The following ANO4 variants were observed in gnomAD, a reference collection of about 807,000 sequenced individuals.
ANO4 encodes anoctamin-4.
Under a neutral mutation model 141.9 loss-of-function variants are expected in ANO4, and 69 were observed. That is an observed-to-expected ratio of 0.49 (90% CI 0.40 to 0.59). The LOEUF is 0.59. Among genes scored for constraint, ANO4 ranks in the 20% least tolerant of loss-of-function variants. ANO4 has a pLI of 0.00. For missense variants in ANO4, 894 were observed against 1,162.2 expected (o/e 0.77, Z 3.36); for synonymous variants, 350 against 394.3 (o/e 0.89, Z 1.33).
At chr12:101,078,290 C>A (rs1259334101) in intron 14 of ANO4, among the ~76,000 whole-genome samples, 1 of 151,874 alleles carries the variant, frequency 6.6e-6, no homozygotes. Flanking sequence ...TCTGTTATAT[C>A]CTTATAGTCA....
At chr12:101,009,040 G>A (rs191765091) in intron 8 of ANO4, among the ~76,000 whole-genome samples, 27 of 152,012 alleles carry the variant, frequency 1.8e-4, no homozygotes, top group African/African-American at 5.3e-4. Flanking sequence ...TTATTTTTGC[G>A]ATCATGCATA....
intron 7 of ANO4, among the ~76,000 whole-genome samples, chr12:100,980,865 G>A (rs1237207656): frequency 6.6e-6 from 1 of 152,076 alleles, no homozygotes; most frequent in African/African-American, 2.4e-5. Context: ...CCAATAAAAA[G>A]GAGGAATTTA....
intron 10 of ANO4, among the ~76,000 whole-genome samples, chr12:101,038,034 G>T (rs1228426066): frequency 6.6e-6 from 1 of 152,090 alleles, no homozygotes; most frequent in Non-Finnish European, 1.5e-5. Context: ...GCTTACAGTG[G>T]TACTTCTCTT....
intron 3 of ANO4, among the ~76,000 whole-genome samples, chr12:100,927,525 A>G (rs534385609): frequency 1.3e-5 from 2 of 152,212 alleles, no homozygotes; most frequent in Admixed American, 1.3e-4. Flanking sequence ...ATTTTAAAAT[A>G]TTTCCTTCTG....
At chr12:100,830,242 TA>T (rs2036566955) in intron 1 of ANO4, among the ~76,000 whole-genome samples, 1 of 152,028 alleles carries the variant, frequency 6.6e-6, no homozygotes, top group Non-Finnish European at 1.5e-5. Context: ...AGTTTGCTGT[TA>T]AAGGGAGAAT....
chr12:101,080,998 A>T lies in ANO4; in HGVS notation c.1395+1723A>T, dbSNP rs952913988. On this transcript the variant is annotated intron_variant, in intron 15 of 27. Coordinates refer to ENST00000392977, the MANE Select transcript of ANO4 (RefSeq NM_001286615.2). ...ATATATATCTAGAACCTAGAAAAAAAATATACATATATATATGTATGTGAG... is the reference window on the plus strand; with the variant it reads ...ATATATATCTAGAACCTAGAAAAAATATATACATATATATATGTATGTGAG... 2.2e-4 allele frequency among the ~76,000 whole-genome samples: 30 copies of T among 137,538 alleles called. No individual in the cohort carries two copies. In the South Asian group the frequency reaches 3.8e-3, roughly 18 times the overall value. The allele number at this position is 137,538 out of a possible 152,430, so 90.2% of individuals were successfully genotyped here.
intron 1 of ANO4, among the ~76,000 whole-genome samples, chr12:100,804,885 C>T (rs1289086562): frequency 6.6e-6 from 1 of 151,650 alleles, no homozygotes; most frequent in East Asian, 2.0e-4. Flanking sequence ...AAAAAATTTT[C>T]TCCCATTCTG....
intron 9 of ANO4, among the ~76,000 whole-genome samples, chr12:101,023,380 T>C (rs1235833612): frequency 6.6e-6 from 1 of 152,122 alleles, no homozygotes; most frequent in African/African-American, 2.4e-5. Context: ...GTGTTGAAAA[T>C]TGGTAATAGG....
intron 1 of ANO4, among the ~76,000 whole-genome samples, chr12:100,806,635 C>T (rs2035073258): frequency 7.1e-6 from 1 of 141,014 alleles, no homozygotes; most frequent in Non-Finnish European, 1.5e-5. Context: ...ACCTCCGCCT[C>T]CTGGGTTCAA....
At chr12:101,091,042 G>T (rs370439458) in intron 17 of ANO4, among the ~76,000 whole-genome samples, 1 of 152,152 alleles carries the variant, frequency 6.6e-6, no homozygotes, top group Non-Finnish European at 1.5e-5. Context: ...CTCCCAGAGT[G>T]TTTTAGACTA....
chr12:100,876,912 C>T (rs796953532), intron 1 of ANO4, among the ~76,000 whole-genome samples: 33 of 152,116 alleles, frequency 2.2e-4, no homozygotes, highest in African/African-American at 7.5e-4. Context: ...GTTCTTTTTG[C>T]GCAAGATTGC....
At chr12:100,799,927 T>C (rs1001961501) in intron 1 of ANO4, among the ~76,000 whole-genome samples, 1 of 152,140 alleles carries the variant, frequency 6.6e-6, no homozygotes, top group Non-Finnish European at 1.5e-5. Context: ...CCTTCCATGA[T>C]ACACAGCTGA....
At chr12:100,982,170 A>G (rs754864025) in intron 7 of ANO4, among the ~76,000 whole-genome samples, 4 of 152,166 alleles carry the variant, frequency 2.6e-5, no homozygotes, top group Admixed American at 6.5e-5. Flanking sequence ...TGTCTGATCC[A>G]TTTTCCCTTT....
At chr12:100,806,731 G>A (rs1186789985) in intron 1 of ANO4, among the ~76,000 whole-genome samples, 1 of 151,378 alleles carries the variant, frequency 6.6e-6, no homozygotes. Flanking sequence ...TTTTAGTAGA[G>A]ACGGGGTTTC....
chr12:101,091,293 AAGC>A (rs1274185028), intron 17 of ANO4, among the ~76,000 whole-genome samples: 1 of 152,130 alleles, frequency 6.6e-6, no homozygotes, highest in Non-Finnish European at 1.5e-5. Flanking sequence ...AGAACTCTAA[AAGC>A]AGCATCAACC....
In ANO4 at chr12:100,767,613, T is replaced by C. The variant is rs1269079219; in HGVS notation, c.358+27508T>C. ...ATATACTGGATAAAGGGATGATTCA[T>C]TTTCCCAGGTGTGACAAAGTGTAAC... On this transcript the variant is annotated intron_variant, in intron 3 of 29. Coordinates refer to the ANO4 transcript ENST00000644049. Among the ~76,000 whole-genome samples the C allele has an allele frequency of 2.0e-5, 3 of 152,196 alleles. No homozygotes were observed. In the East Asian group the frequency reaches 5.8e-4, roughly 29 times the overall value.
At chr12:100,733,199 A>G (rs1447118268) in intron 1 of ANO4, among the ~76,000 whole-genome samples, 1 of 152,166 alleles carries the variant, frequency 6.6e-6, no homozygotes, top group Non-Finnish European at 1.5e-5. Flanking sequence ...GGTTTACAAG[A>G]CACTTTGCAA....
intron 3 of ANO4, among the ~76,000 whole-genome samples, chr12:100,784,958 T>C (rs759588815): frequency 3.9e-5 from 6 of 152,044 alleles, no homozygotes; most frequent in African/African-American, 1.5e-4. Context: ...TTTCTTCTTC[T>C]ATTCTCTCTC....
chr12:100,828,586 C>T (rs1426889228), intron 1 of ANO4, among the ~76,000 whole-genome samples: 1 of 151,948 alleles, frequency 6.6e-6, no homozygotes, highest in African/African-American at 2.4e-5. Context: ...ATAGCCCATG[C>T]GGTGCCACCT....
Sources: gnomAD v4.1 joint callset for allele counts (sites outside exome capture counted in the v4.1 genomes callset) on GRCh38, gnomAD v4.1.1 for gene constraint, MANE v1.5 for transcripts, NCBI Gene and HGNC (gene_info 2026-07-23, HGNC 2026-07-21) for gene names.